The following E2F3 variants were observed in gnomAD, a reference collection of about 807,000 sequenced individuals.
E2F3 encodes transcription factor E2F3.
E2F3 carries 11 observed loss-of-function variants against 44.4 expected under a neutral mutation model. That is an observed-to-expected ratio of 0.25 (90% CI 0.16 to 0.41). E2F3 has a LOEUF of 0.41. Ranked by LOEUF, E2F3 falls within the 10% of genes least tolerant of loss-of-function variation. The probability of loss-of-function intolerance (pLI) is 1.00; values close to 1 mark genes in which losing one functional copy is unlikely to be tolerated. For synonymous variants in E2F3, 249 were observed against 253.0 expected (o/e 0.98, Z 0.15); for missense variants, 487 against 583.6 (o/e 0.83, Z 1.70).
At chr6:20,441,467 T>C (rs1020112902) in intron 1 of E2F3, among the ~76,000 whole-genome samples, 3 of 152,238 alleles carry the variant, frequency 2.0e-5, no homozygotes, top group African/African-American at 7.2e-5. Flanking sequence ...GCAATGAACA[T>C]GGATGTATGA....
chr6:20,444,166 G>A (rs1760863901), intron 1 of E2F3, among the ~76,000 whole-genome samples: 1 of 152,158 alleles, frequency 6.6e-6, no homozygotes, highest in Non-Finnish European at 1.5e-5. Flanking sequence ...TCTAGCCTGG[G>A]CAGCAGAGCG....
intron 1 of E2F3, among the ~76,000 whole-genome samples, chr6:20,460,996 CAAAAAAAAA>C (rs61306918): frequency 5.4e-5 from 3 of 55,488 alleles, no homozygotes; most frequent in African/African-American, 7.5e-5. Flanking sequence ...ACTCTATCTC[CAAAAAAAAA>C]AAAAAAAAAA....
chr6:20,493,555 A>G lies in E2F3; in HGVS notation c.*3125A>G, dbSNP rs146499346. ...TTTAAAAAAGAAAATATGTAATATAATGTAAAAAAAAACAAAAAAAAGCTT... is the reference window on the plus strand; with the variant it reads ...TTTAAAAAAGAAAATATGTAATATAGTGTAAAAAAAAACAAAAAAAAGCTT... On this transcript the variant is annotated 3_prime_UTR_variant, in exon 7 of 7. Transcript: ENST00000346618. 1.5e-3 allele frequency: 307 copies of G among 210,784 alleles called. No homozygotes were observed. Among genetic ancestry groups the G allele is most frequent in the East Asian group, 6.6e-3 (91 of 13,778 alleles). The allele number at this position is 210,784 out of a possible 1,614,324, so 13.1% of individuals were successfully genotyped here.
At chr6:20,412,547 T>C (rs1759709905) in intron 1 of E2F3, among the ~76,000 whole-genome samples, 1 of 151,740 alleles carries the variant, frequency 6.6e-6, no homozygotes, top group African/African-American at 2.4e-5. Context: ...GGACCGAAGG[T>C]TGGATGTGTT....
At position 20,416,921 on chromosome 6, in the gene E2F3, T is replaced by G. The variant is rs145211715; in HGVS notation, c.393+14296T>G. Reference sequence around the variant, plus strand: ...CACCCCTCCTTTAAATGGGAGGGCTTTGGGAGGCCTCCTAAGTCACCACAG... The same window carrying G: ...CACCCCTCCTTTAAATGGGAGGGCTGTGGGAGGCCTCCTAAGTCACCACAG... On this transcript the variant is annotated intron_variant, in intron 1 of 6. Coordinates refer to ENST00000346618, the MANE Select transcript of E2F3 (RefSeq NM_001949.5). Among the ~76,000 whole-genome samples the G allele has an allele frequency of 4.0e-3, 611 of 152,238 alleles. 2 individuals are homozygous for G. Among genetic ancestry groups the G allele is most frequent in the African/African-American group, 0.014 (577 of 41,536 alleles).
intron 1 of E2F3, among the ~76,000 whole-genome samples, chr6:20,428,900 T>C (rs1254697669): frequency 6.6e-6 from 1 of 152,204 alleles, no homozygotes. Context: ...TTCTGGGAAC[T>C]CAAGACTGTC....
At chr6:20,419,125 C>CT (rs1437596177) in intron 1 of E2F3, among the ~76,000 whole-genome samples, 16 of 152,318 alleles carry the variant, frequency 1.1e-4, no homozygotes, top group African/African-American at 3.8e-4. Context: ...AATTCCCTAT[C>CT]TGTATATATT....
intron 1 of E2F3, among the ~76,000 whole-genome samples, chr6:20,438,363 C>T (rs914759478): frequency 6.6e-6 from 1 of 152,164 alleles, no homozygotes; most frequent in African/African-American, 2.4e-5. Context: ...CTATTTTTAA[C>T]TCTATGTTTT....
At chr6:20,464,430 A>G (rs1254775980) in intron 1 of E2F3, among the ~76,000 whole-genome samples, 1 of 152,112 alleles carries the variant, frequency 6.6e-6, no homozygotes, top group African/African-American at 2.4e-5. Flanking sequence ...TTTCCATTTT[A>G]TGATAGAACT....
chr6:20,427,502 C>T (rs552917567), intron 1 of E2F3, among the ~76,000 whole-genome samples: 2 of 152,232 alleles, frequency 1.3e-5, no homozygotes, highest in South Asian at 2.1e-4. Context: ...ATTCTTTTCA[C>T]CTCAGGGCTC....
chr6:20,477,176 G>A (rs1029071078), intron 1 of E2F3, among the ~76,000 whole-genome samples: 6 of 152,062 alleles, frequency 3.9e-5, no homozygotes, highest in South Asian at 2.1e-4. Context: ...GTCTTGCTAC[G>A]TTGATCAGGC....
intron 1 of E2F3, among the ~76,000 whole-genome samples, chr6:20,470,967 T>C (rs1235821637): frequency 1.3e-5 from 2 of 152,214 alleles, no homozygotes; most frequent in Non-Finnish European, 2.9e-5. Flanking sequence ...CAAATGGAAA[T>C]GATATTGCTT....
chr6:20,467,625 G>A (rs1761756960), intron 1 of E2F3, among the ~76,000 whole-genome samples: 1 of 152,196 alleles, frequency 6.6e-6, no homozygotes, highest in South Asian at 2.1e-4. Flanking sequence ...GGTTCTGTGA[G>A]TCTACTGGCT....
At chr6:20,453,084 T>G (rs895858645) in intron 1 of E2F3, among the ~76,000 whole-genome samples, 4 of 152,222 alleles carry the variant, frequency 2.6e-5, no homozygotes, top group African/African-American at 9.6e-5. Context: ...GCTCTTTTTC[T>G]TGTTGATTTG....
intron 1 of E2F3, among the ~76,000 whole-genome samples, chr6:20,457,326 C>T (rs1761339434): frequency 6.7e-6 from 1 of 150,184 alleles, no homozygotes; most frequent in Non-Finnish European, 1.5e-5. Flanking sequence ...AAAAGCACAC[C>T]ATCATCCCTA....
intron 1 of E2F3, chr6:20,421,663 A>C (rs1760031000): frequency 6.6e-6 from 1 of 152,240 alleles, no homozygotes; most frequent in African/African-American, 2.4e-5. Context: ...GATAGATCAC[A>C]GAGTAGATTT....
rs1345776350 is a variant in E2F3, at chr6:20,402,520, C to T, written c.288C>T (p.Gly96=). 1.2e-6 allele frequency: 2 copies of T among 1,601,448 alleles called. No homozygotes were observed. The highest frequency in any genetic ancestry group is 1.7e-6 in the Non-Finnish European group (2 of 1,178,754). ...PSAPGAEQTA[G]SLLYTTPHGP... Reference sequence around the variant, plus strand: ...CCCCCGGCGCGGAGCAGACCGCCGGCAGCCTCCTCTACACCACGCCGCACG... The same window carrying T: ...CCCCCGGCGCGGAGCAGACCGCCGGTAGCCTCCTCTACACCACGCCGCACG... The change falls in exon 1 of 7, where the codon GGC becomes GGT. Residue 96 remains glycine, a synonymous_variant. Coordinates refer to ENST00000346618, the MANE Select transcript of E2F3 (RefSeq NM_001949.5). The surrounding 1 kb of genome is among the most constrained non-coding windows in gnomAD (Gnocchi z 5.6).
chr6:20,462,239 C>A (rs1230760743), intron 1 of E2F3, among the ~76,000 whole-genome samples: 7 of 152,132 alleles, frequency 4.6e-5, no homozygotes, highest in Non-Finnish European at 8.8e-5. Context: ...CTTGTTTATA[C>A]CTCAGTATGT....
At chr6:20,417,342 C>G (rs1417865411) in intron 1 of E2F3, among the ~76,000 whole-genome samples, 3 of 152,066 alleles carry the variant, frequency 2.0e-5, no homozygotes, top group Admixed American at 6.5e-5. Context: ...ATTATAAAAA[C>G]CAATAAAGGC....
Sources: allele counts gnomAD v4.1 joint callset (sites outside exome capture counted in the v4.1 genomes callset), GRCh38; gene constraint gnomAD v4.1.1; non-coding constraint Gnocchi (gnomAD v3.1); transcripts MANE v1.5; gene names NCBI Gene and HGNC (gene_info 2026-07-23, HGNC 2026-07-21).